HCRTR2: variants seen among roughly 807,000 people sequenced by gnomAD.
The protein encoded by HCRTR2 is hypocretin receptor 2, also known as orexin receptor type 2.
Under a neutral mutation model 49.0 loss-of-function variants are expected in HCRTR2, and 22 were observed. The ratio of observed to expected loss-of-function variants is 0.45; its 90% CI spans 0.32 to 0.64. HCRTR2 has a LOEUF of 0.64. Ranked by LOEUF, HCRTR2 falls within the 30% of genes least tolerant of loss-of-function variation. HCRTR2 has a pLI of 0.04. For synonymous variants in HCRTR2, 236 were observed against 205.3 expected, an observed-to-expected ratio of 1.15 and a Z score of -1.28; for missense variants, 491 against 559.4, an observed-to-expected ratio of 0.88 and a Z score of 1.23.
intron 3 of HCRTR2, among the ~76,000 whole-genome samples, chr6:55,259,384 G>A (rs920559011): frequency 1.3e-5 from 2 of 151,940 alleles, no homozygotes; most frequent in Non-Finnish European, 2.9e-5. Flanking sequence ...AAAGATTCAG[G>A]TAAACTTAAT....
intron 3 of HCRTR2, among the ~76,000 whole-genome samples, chr6:55,256,692 C>T (rs1766659274): frequency 7.4e-6 from 1 of 135,566 alleles, no homozygotes; most frequent in African/African-American, 2.9e-5. Context: ...ATTAATAGTG[C>T]AGACAAAAAA....
At chr6:55,267,405 T>TTTC (rs1554183279) in intron 4 of HCRTR2, among the ~76,000 whole-genome samples, 1 of 53,938 alleles carries the variant, frequency 1.9e-5, no homozygotes, top group African/African-American at 1.6e-4. Flanking sequence ...TCTCTCTCTG[T>TTTC]TTTTTTTTTT....
At chr6:55,114,694 G>A (rs4518485) in intron 1 of HCRTR2, among the ~76,000 whole-genome samples, 140,953 of 151,796 alleles carry the variant, frequency 0.93, 65,778 homozygotes, top group Non-Finnish European at 0.97. Context: ...AAAATTTTCA[G>A]ATGATGAGTA....
At chr6:55,282,818 A>AT (rs1227045930), downstream of HCRTR2, among the ~76,000 whole-genome samples, 3 of 151,928 alleles carry the variant, frequency 2.0e-5, no homozygotes, top group East Asian at 1.9e-4. Flanking sequence ...CTATCCAATG[A>AT]TTTTTTTTGC....
chr6:55,144,912 A>G (rs566747780), intron 1 of HCRTR2, among the ~76,000 whole-genome samples: 1 of 152,316 alleles, frequency 6.6e-6, no homozygotes, highest in South Asian at 2.1e-4. Context: ...CTACAGGAAT[A>G]AAATGCCAAA....
chr6:55,238,583 C>A (rs1378715990), intron 1 of HCRTR2, among the ~76,000 whole-genome samples: 2 of 152,116 alleles, frequency 1.3e-5, no homozygotes, highest in Non-Finnish European at 2.9e-5. Flanking sequence ...CACGCTCACA[C>A]ACATTTTATG....
chr6:55,264,788 G>T (rs1007731873), intron 4 of HCRTR2, among the ~76,000 whole-genome samples: 4 of 151,974 alleles, frequency 2.6e-5, no homozygotes, highest in Non-Finnish European at 2.9e-5. Flanking sequence ...ACTTACTGCC[G>T]ATACTTACTT....
At chr6:55,108,673 A>G (rs971985496) in intron 1 of HCRTR2, among the ~76,000 whole-genome samples, 1 of 152,080 alleles carries the variant, frequency 6.6e-6, no homozygotes, top group African/African-American at 2.4e-5. Context: ...AAGGAAGCCC[A>G]GGGAACCCAT....
chr6:55,169,310 C>A (rs180930498), intron 1 of HCRTR2, among the ~76,000 whole-genome samples: 1 of 151,448 alleles, frequency 6.6e-6, no homozygotes, highest in East Asian at 2.0e-4. Context: ...CGGAGAGAAC[C>A]TTGTCTGAGA....
chr6:55,138,141 G>A (rs12193862), intron 1 of HCRTR2, among the ~76,000 whole-genome samples: 42,729 of 151,992 alleles, frequency 0.28, 6,742 homozygotes, highest in Non-Finnish European at 0.36. Flanking sequence ...AATAAACCAT[G>A]TATTCAGTTA....
At chr6:55,150,290 G>C (rs1437195040) in intron 1 of HCRTR2, among the ~76,000 whole-genome samples, 1 of 150,996 alleles carries the variant, frequency 6.6e-6, no homozygotes. Flanking sequence ...ACCTCCAAAA[G>C]ATTCCTCCTA....
rs148685496 is a variant in HCRTR2 at position 55,253,217 on chromosome 6, C to T, written c.403-1919C>T. On this transcript the variant is annotated intron_variant, in intron 2 of 6. Transcript: ENST00000370862. The stretch of plus-strand genomic sequence containing the variant: ...TAGCACACACACACACACACACACA[C>T]GCAACACACAACACACAACACACAC... Among the ~76,000 whole-genome samples, 731 of 149,910 alleles carry T rather than the reference C, an allele frequency of 4.9e-3. 2 individuals carry two copies. The highest frequency in any genetic ancestry group is 7.8e-3 in the African/African-American group (314 of 40,276).
chr6:55,282,185 A>G, intron 6 of HCRTR2, 40 bp from the exon 7 acceptor site: 1 of 1,403,094 alleles, frequency 7.1e-7, no homozygotes, highest in East Asian at 2.3e-5. Flanking sequence ...TGAAGCATTT[A>G]TGTATAATTC....
In HCRTR2 at chr6:55,209,451, T is replaced by G. The variant is rs536939387; in HGVS notation, c.223+34641T>G. ...TTGGTTTTTGTTTTTCCCCATAAGC[T>G]GATCTCAGAAACTTTTCCTCTACAT... On this transcript the variant is annotated intron_variant, in intron 1 of 6. Coordinates refer to ENST00000370862, the MANE Select transcript of HCRTR2 (RefSeq NM_001384272.1). Among the ~76,000 whole-genome samples the G allele has an allele frequency of 2.8e-4, 43 of 152,306 alleles. No individual in the cohort carries two copies. In the South Asian group the frequency reaches 8.5e-3, roughly 30 times the overall value.
chr6:55,153,505 C>T (rs1023086463), intron 1 of HCRTR2, among the ~76,000 whole-genome samples: 1 of 151,964 alleles, frequency 6.6e-6, no homozygotes, highest in African/African-American at 2.4e-5. Context: ...TTGCATCATA[C>T]TCTCATGGAA....
chr6:55,172,807 T>C (rs1213643683), upstream of HCRTR2, among the ~76,000 whole-genome samples: 2 of 151,144 alleles, frequency 1.3e-5, no homozygotes, highest in Non-Finnish European at 2.9e-5. Flanking sequence ...AAAACAAATA[T>C]GAAAAATTAT....
At chr6:55,123,605 T>C (rs1764232105) in intron 1 of HCRTR2, among the ~76,000 whole-genome samples, 1 of 152,150 alleles carries the variant, frequency 6.6e-6, no homozygotes, top group Admixed American at 6.6e-5. Context: ...GTTGTGTCTC[T>C]GCCAGGTTTT....
chr6:55,173,562 C>A (rs962719197), upstream of HCRTR2, among the ~76,000 whole-genome samples: 27 of 152,250 alleles, frequency 1.8e-4, no homozygotes, highest in African/African-American at 6.3e-4. Context: ...AGCCCTGAAT[C>A]AATGGGAAGA....
At chr6:55,123,207 G>A (rs1452271093) in intron 1 of HCRTR2, among the ~76,000 whole-genome samples, 3 of 151,940 alleles carry the variant, frequency 2.0e-5, no homozygotes, top group African/African-American at 7.2e-5. Context: ...TCTTGTGCTG[G>A]TTTTCAAAGG....
Sources: gnomAD v4.1 joint callset for allele counts (sites outside exome capture counted in the v4.1 genomes callset) on GRCh38, gnomAD v4.1.1 for gene constraint, MANE v1.5 for transcripts, NCBI Gene and HGNC (gene_info 2026-07-23, HGNC 2026-07-21) for gene names.